The following ZNF365 variants were observed in gnomAD, a reference collection of about 807,000 sequenced individuals.
The protein encoded by ZNF365 is protein ZNF365.
In ZNF365, 22 loss-of-function variants were observed where a neutral mutation model predicts 35.0. The ratio of observed to expected loss-of-function variants is 0.63; its 90% CI spans 0.45 to 0.90. ZNF365 has a LOEUF of 0.90. Among genes scored for constraint, ZNF365 ranks in the 40% least tolerant of loss-of-function variants. The pLI is 0.00. For synonymous variants in ZNF365, 188 were observed against 196.2 expected (o/e 0.96, Z 0.35); for missense variants, 448 against 500.3 (o/e 0.90, Z 1.00).
At chr10:62,480,133 G>A in exon 5 of ZNF365, 1 of 1,312,542 alleles carries the variant, frequency 7.6e-7, no homozygotes, top group Non-Finnish European at 9.7e-7. Context: ...TGAGGGCACA[G>A]CCCACCCCTC....
intron 2 of ZNF365, among the ~76,000 whole-genome samples, chr10:62,384,338 A>AT (rs1564568279): frequency 6.6e-6 from 1 of 152,192 alleles, no homozygotes; most frequent in Non-Finnish European, 1.5e-5. Context: ...CGATAGCATC[A>AT]TATTATTCTT....
intron 3 of ZNF365, among the ~76,000 whole-genome samples, chr10:62,425,505 A>G (rs2132451344): frequency 6.6e-6 from 1 of 152,336 alleles, no homozygotes; most frequent in East Asian, 1.9e-4. Flanking sequence ...CAGTTCACAG[A>G]GTAACAACTA....
Position 62,402,131 on chromosome 10 carries a change from C to G in ZNF365, c.*2342C>G, listed in dbSNP as rs1403489407. 1 of 985,774 alleles carries G rather than the reference C, an allele frequency of 1.0e-6. No individual in the cohort carries two copies. The highest frequency in any genetic ancestry group is 1.2e-6 in the Non-Finnish European group (1 of 829,928). The allele number at this position is 985,774 out of a possible 1,614,324, so 61.1% of individuals were successfully genotyped here. A position where few individuals can be genotyped will look rare whatever the true frequency, so the allele number is the denominator to read the frequency against. ...TTCTTTGTCCACATGGGCCGTTGAC[C>G]TTAGAGTTAAGGCGGTTGCTTTTTT... is the stretch of plus-strand genomic sequence containing the variant. On this transcript the variant is annotated 3_prime_UTR_variant, in exon 5 of 5. Coordinates refer to ENST00000395254, the MANE Select transcript of ZNF365 (RefSeq NM_014951.3).
intron 3 of ZNF365, among the ~76,000 whole-genome samples, chr10:62,393,037 CT>C (rs57272087): frequency 0.35 from 50,002 of 144,692 alleles, 8,283 homozygotes; most frequent in Middle Eastern, 0.42. Context: ...TTCTGTTAAG[CT>C]TTTTTTTTTT....
intron 3 of ZNF365, among the ~76,000 whole-genome samples, chr10:62,449,445 G>T (rs1292148203): frequency 1.3e-5 from 2 of 152,010 alleles, no homozygotes; most frequent in Admixed American, 1.3e-4. Context: ...ATTTTGCTGG[G>T]GTTCTATGTT....
chr10:62,424,510 G>C (rs899983278), intron 3 of ZNF365, among the ~76,000 whole-genome samples: 3 of 152,174 alleles, frequency 2.0e-5, no homozygotes, highest in African/African-American at 7.2e-5. Flanking sequence ...TAGTTCTCTA[G>C]TGGAAACATT....
intron 2 of ZNF365, among the ~76,000 whole-genome samples, chr10:62,378,021 A>G (rs1353875021): frequency 1.3e-5 from 2 of 152,236 alleles, no homozygotes; most frequent in African/African-American, 2.4e-5. Flanking sequence ...CTTACGTTCT[A>G]CCTTGAGGGG....
At position 62,383,303 on chromosome 10, in the gene ZNF365, T is replaced by C. The variant is rs1386968567; in HGVS notation, c.744-5093T>C. Among the ~76,000 whole-genome samples the C allele has an allele frequency of 2.0e-5, 3 of 152,192 alleles. No homozygotes were observed. The South Asian group carries it at 6.2e-4, about 32-fold the overall frequency. On this transcript the variant is annotated intron_variant, in intron 2 of 4. Coordinates refer to ENST00000395254, the MANE Select transcript of ZNF365 (RefSeq NM_014951.3). ...GAAATGGCACACTGGTTCATTGTGA[T>C]GTGCATGGTGATAAGGTACAAACTT...
intron 3 of ZNF365, among the ~76,000 whole-genome samples, chr10:62,427,278 A>G (rs1049178299): frequency 6.6e-6 from 1 of 152,182 alleles, no homozygotes; most frequent in Admixed American, 6.5e-5. Flanking sequence ...TTATAATACC[A>G]TATTTTTACT....
At chr10:62,391,160 T>C (rs1318290134) in intron 3 of ZNF365, among the ~76,000 whole-genome samples, 2 of 152,250 alleles carry the variant, frequency 1.3e-5, no homozygotes, top group Non-Finnish European at 2.9e-5. Context: ...GACTCTTTTG[T>C]AATAACAGCT....
chr10:62,480,055 C>T (rs1841198131), exon 5 of ZNF365: 8 of 1,381,646 alleles, frequency 5.8e-6, no homozygotes, highest in Non-Finnish European at 5.7e-6. Flanking sequence ...TGACTTTACT[C>T]ACCAGGAGTG....
At chr10:62,417,309 G>A (rs892371175) in intron 3 of ZNF365, among the ~76,000 whole-genome samples, 3 of 152,060 alleles carry the variant, frequency 2.0e-5, no homozygotes, top group Non-Finnish European at 4.4e-5. Flanking sequence ...TTGTGCCCTA[G>A]CAGTCATTTT....
intron 3 of ZNF365, among the ~76,000 whole-genome samples, chr10:62,425,075 C>G (rs1201662319): frequency 6.6e-6 from 1 of 152,032 alleles, no homozygotes; most frequent in African/African-American, 2.4e-5. Context: ...TTTCAAGAGT[C>G]CCTTGTTTTT....
chr10:62,464,971 T>TG (rs546678272), intron 4 of ZNF365, among the ~76,000 whole-genome samples: 196 of 152,332 alleles, frequency 1.3e-3, no homozygotes, highest in African/African-American at 4.5e-3. Context: ...ACAGGAGCCC[T>TG]GCACCCTATC....
At chr10:62,382,479 C>A (rs924832945) in intron 2 of ZNF365, among the ~76,000 whole-genome samples, 3 of 152,190 alleles carry the variant, frequency 2.0e-5, no homozygotes, top group Non-Finnish European at 4.4e-5. Context: ...AATTCGGAAA[C>A]CCAGGAAAGT....
At chr10:62,378,592 A>G (rs1478050586) in intron 2 of ZNF365, among the ~76,000 whole-genome samples, 1 of 152,212 alleles carries the variant, frequency 6.6e-6, no homozygotes, top group Non-Finnish European at 1.5e-5. Context: ...GGAGAGAATT[A>G]TATGTGTAAA....
intron 3 of ZNF365, among the ~76,000 whole-genome samples, chr10:62,421,546 T>A (rs952011805): frequency 2.0e-5 from 3 of 152,172 alleles, no homozygotes; most frequent in Non-Finnish European, 4.4e-5. Context: ...AAAACCACAG[T>A]GTGCTAATCC....
intron 3 of ZNF365, among the ~76,000 whole-genome samples, chr10:62,448,756 T>C (rs764887885): frequency 6.6e-5 from 10 of 151,738 alleles, no homozygotes; most frequent in Non-Finnish European, 1.5e-4. Flanking sequence ...GTCCTAGCTA[T>C]GGATCCATCA....
chr10:62,454,285 A>G (rs1179302642), intron 3 of ZNF365, among the ~76,000 whole-genome samples: 2 of 152,194 alleles, frequency 1.3e-5, no homozygotes, highest in Non-Finnish European at 2.9e-5. Context: ...AATGTATTGT[A>G]TTTTAAAAGA....
Sources: allele counts gnomAD v4.1 joint callset (sites outside exome capture counted in the v4.1 genomes callset), GRCh38; gene constraint gnomAD v4.1.1; transcripts MANE v1.5; gene names NCBI Gene and HGNC (gene_info 2026-07-23, HGNC 2026-07-21).